Variants in ENPP5 observed in about 807,000 individuals in gnomAD.
ENPP5 encodes the protein E-NPP 5.
In ENPP5, 27 loss-of-function variants were observed where a neutral mutation model predicts 33.7. That is an observed-to-expected ratio of 0.80 (90% CI 0.59 to 1.11). The LOEUF is 1.11. Among genes scored for constraint, ENPP5 ranks in the 50% least tolerant of loss-of-function variants. The pLI is 0.00. For missense variants in ENPP5, 552 were observed against 579.2 expected, an observed-to-expected ratio of 0.95 and a Z score of 0.48; for synonymous variants, 199 against 200.5, an observed-to-expected ratio of 0.99 and a Z score of 0.06.
In ENPP5 at chr6:46,161,678, T is replaced by G. The variant is rs1441605219; in HGVS notation, c.1082A>C (p.Lys361Thr). 1.9e-6 allele frequency: 3 copies of G among 1,613,928 alleles called. No individual in the cohort carries two copies. In the East Asian group the frequency reaches 6.7e-5, roughly 36 times the overall value. The change falls in exon 5 of 5, where the codon AAG becomes ACG. Residue 361 changes from lysine to threonine, a missense_variant. Transcript: ENST00000371383. The stretch of plus-strand genomic sequence containing the variant: ...GTTCATGGCTTCTTTTGAGAAATTC[T>G]TTCTGAAGGCAGGACCATGGGCTAA... ...IFLAHGPAFR[K>T]NFSKEAMNST...
rs1403462030 is a variant in ENPP5, at chr6:46,165,504, T to C, written c.889A>G (p.Lys297Glu). 2 of 1,611,386 alleles carry C rather than the reference T, an allele frequency of 1.2e-6. No individual in the cohort carries two copies. The highest frequency in any genetic ancestry group is 4.5e-5 in the East Asian group (2 of 44,820). The change falls in exon 4 of 5, where the codon AAA (lysine) becomes GAA (glutamate). Residue 297 changes from lysine to glutamate, a missense_variant. Lys to Glu is a moderately conservative substitution (Grantham distance 56). Transcript: ENST00000371383. ...CACCTTTCTGGAACGTCTTCTTTTT[T>C]GTAAACAGTAAGATTAGGATGAGCG... ...THAHPNLTVY[K>E]KEDVPERWHY...
intron 3 of ENPP5, among the ~76,000 whole-genome samples, chr6:46,166,052 G>A (rs1232305414): frequency 1.3e-5 from 2 of 152,114 alleles, no homozygotes; most frequent in Non-Finnish European, 2.9e-5. Flanking sequence ...GGTTACCCAG[G>A]CACTGTCTTT....
Position 46,165,502 on chromosome 6 carries a change from T to G in ENPP5, c.891A>C (p.Lys297Asn). 6.2e-7 allele frequency: 1 copy of G among 1,611,546 alleles called. No homozygotes were observed. Among genetic ancestry groups the G allele is most frequent in the South Asian group, 1.1e-5 (1 of 90,474 alleles). ...GCCACCTTTCTGGAACGTCTTCTTTTTTGTAAACAGTAAGATTAGGATGAG... is the reference window on the plus strand; with the variant it reads ...GCCACCTTTCTGGAACGTCTTCTTTGTTGTAAACAGTAAGATTAGGATGAG... ...THAHPNLTVYKKEDVPERWHY... is the reference protein window; with the variant it reads ...THAHPNLTVYNKEDVPERWHY... Residue 297 changes from lysine (K) to asparagine (N), a missense_variant, in exon 4 of 5, where the codon AAA becomes AAC. Physicochemically the swap from Lys to Asn is moderately conservative, Grantham distance 94 (BLOSUM62 0). Transcript: ENST00000371383.
chr6:46,168,324 A>G, intron 2 of ENPP5, 27 bp from the exon 3 acceptor site: 1 of 1,142,804 alleles, frequency 8.8e-7, no homozygotes, highest in Non-Finnish European at 1.2e-6. Context: ...TAGAAATTAA[A>G]GGCAATAATT....
Position 46,167,545 on chromosome 6 carries a change from C to G in ENPP5, c.718G>C (p.Gly240Arg), listed in dbSNP as rs1220296575. Residue 240 changes from glycine (G) to arginine (R), a missense_variant, in exon 3 of 5, where the codon GGA becomes CGA. Coordinates refer to ENST00000371383, the MANE Select transcript of ENPP5 (RefSeq NM_001290072.2). ...CTTTCCTCAGAGCACTGCGTCATTC[C>G]ATGATCACTTGTGATGATTAGGTTC... ...TLNLIITSDH[G>R]MTQCSEERLI... is the part of the protein sequence containing the mutation. The G allele has an allele frequency of 6.2e-7, 1 of 1,614,174 alleles. No individual in the cohort carries two copies. Among genetic ancestry groups the G allele is most frequent in the Admixed American group, 1.7e-5 (1 of 60,030 alleles).
intron 3 of ENPP5, among the ~76,000 whole-genome samples, chr6:46,166,057 G>A (rs1202536942): frequency 6.6e-6 from 1 of 152,124 alleles, no homozygotes; most frequent in Non-Finnish European, 1.5e-5. Flanking sequence ...CCCAGGCACT[G>A]TCTTTCATCC....
At chr6:46,164,491 A>T (rs1273387114) in intron 4 of ENPP5, among the ~76,000 whole-genome samples, 1 of 152,138 alleles carries the variant, frequency 6.6e-6, no homozygotes. Context: ...ACATAATATA[A>T]ATTGAGTATT....
In ENPP5 at chr6:46,168,141, T is replaced by C; in HGVS notation, c.122A>G (p.Asp41Gly). ...GGGCGTTGGAACTTTATATAAGTAA[T>C]CCCAACGGAATCCATCAAAAGAAAC... is the stretch of plus-strand genomic sequence containing the variant. The part of the protein sequence containing the change: ...LLVSFDGFRW[D>G]YLYKVPTPHF... The change falls in exon 3 of 5, where the codon GAT (aspartate) becomes GGT (glycine). Residue 41 changes from aspartate to glycine, a missense_variant. Coordinates refer to ENST00000371383, the MANE Select transcript of ENPP5 (RefSeq NM_001290072.2). The C allele has an allele frequency of 6.2e-7, 1 of 1,613,782 alleles. No individual in the cohort carries two copies.
chr6:46,160,172 C>G lies in ENPP5; in HGVS notation c.*1154G>C, dbSNP rs999442581. 4 of 152,144 alleles carry G rather than the reference C, an allele frequency of 2.6e-5. No homozygotes were observed. Among genetic ancestry groups the G allele is most frequent in the Non-Finnish European group, 5.9e-5 (4 of 68,030 alleles). The allele number at this position is 152,144 out of a possible 1,614,324, so 9.4% of individuals were successfully genotyped here. A position where few individuals can be genotyped will look rare whatever the true frequency, so the allele number is the denominator to read the frequency against. ...GTTACCACAAAGAGTTATTTTGCTG[C>G]TTTTTCTAGTATGCACACTTTACCA... On this transcript the variant is annotated 3_prime_UTR_variant, in exon 5 of 5. Coordinates refer to ENST00000371383, the MANE Select transcript of ENPP5 (RefSeq NM_001290072.2).
chr6:46,167,649 C>A lies in ENPP5; in HGVS notation c.614G>T (p.Gly205Val), dbSNP rs762700532. The A allele has an allele frequency of 1.2e-6, 2 of 1,614,106 alleles. No homozygotes were observed. Among genetic ancestry groups the A allele is most frequent in the Non-Finnish European group, 1.7e-6 (2 of 1,180,004 alleles). ...CTTGTCAATATCTGAAATGACAGGC[C>A]CCATGAGCGGACTGTCAGGTCCCAA... Reference protein sequence around the residue: ...HHLGPDSPLMGPVISDIDKKL... With the variant: ...HHLGPDSPLMVPVISDIDKKL... The change falls in exon 3 of 5, where the codon GGG becomes GTG. Residue 205 changes from glycine (G) to valine (V), a missense_variant. Gly to Val is a moderately radical substitution (Grantham distance 109, BLOSUM62 -3). Coordinates refer to ENST00000371383, the MANE Select transcript of ENPP5 (RefSeq NM_001290072.2).
In ENPP5 at chr6:46,167,836, C is replaced by T; in HGVS notation, c.427G>A (p.Asp143Asn). 1 of 1,614,204 alleles carries T rather than the reference C, an allele frequency of 6.2e-7. No individual in the cohort carries two copies. Among genetic ancestry groups the T allele is most frequent in the Non-Finnish European group, 8.5e-7 (1 of 1,180,044 alleles). ...TSGAAMWPGT[D>N]VKIHKRFPTH... ...GGAAAGCGCTTATGTATTTTTACAT[C>T]TGTTCCGGGCCACATGGCTGCACCA... The change falls in exon 3 of 5, where the codon GAT becomes AAT. Residue 143 changes from aspartate (D) to asparagine (N), a missense_variant. By Grantham distance (23) the Asp-to-Asn change is conservative. Coordinates refer to ENST00000371383, the MANE Select transcript of ENPP5 (RefSeq NM_001290072.2).
chr6:46,165,376 A>G lies in ENPP5; in HGVS notation c.1006+11T>C. ...AATGCAGAATGGAAAGAAATACTGTAACATACTCACACAGAAAGTCATCTG... is the reference window on the plus strand; with the variant it reads ...AATGCAGAATGGAAAGAAATACTGTGACATACTCACACAGAAAGTCATCTG... On this transcript the variant is annotated intron_variant, in intron 4 of 4. Coordinates refer to ENST00000371383, the MANE Select transcript of ENPP5 (RefSeq NM_001290072.2). 3 of 1,548,312 alleles carry G rather than the reference A, an allele frequency of 1.9e-6. No homozygotes were observed. The highest frequency in any genetic ancestry group is 2.6e-6 in the Non-Finnish European group (3 of 1,154,408).
chr6:46,163,022 T>G (rs1373150710), intron 4 of ENPP5, among the ~76,000 whole-genome samples: 1 of 152,228 alleles, frequency 6.6e-6, no homozygotes, highest in Non-Finnish European at 1.5e-5. Flanking sequence ...TAAGTCATTG[T>G]GACTTATGTA....
rs780293700 is a variant in ENPP5, at chr6:46,165,433, A to G, written c.960T>C (p.Ala320=). 9 of 1,601,088 alleles carry G rather than the reference A, an allele frequency of 5.6e-6. No homozygotes were observed. The highest frequency in any genetic ancestry group is 3.6e-5 in the Admixed American group (2 of 55,642). Residue 320 remains alanine (A), a synonymous_variant, in exon 4 of 5, where the codon GCT becomes GCC. Transcript: ENST00000371383. ...TCTGTAAAATGTGCCACCCTTCATCAGCCACTGCTATGATTGGTTGAATTC... is the reference window on the plus strand; with the variant it reads ...TCTGTAAAATGTGCCACCCTTCATCGGCCACTGCTATGATTGGTTGAATTC... ...NSRIQPIIAV[A]DEGWHILQNK...
chr6:46,167,393 C>T (rs1180452500), intron 3 of ENPP5, 41 bp downstream of exon 3: 2 of 1,309,470 alleles, frequency 1.5e-6, no homozygotes, highest in Non-Finnish European at 2.2e-6. Context: ...TGGGCAAATG[C>T]ACATCTAGTC....
In ENPP5 at chr6:46,170,893, A is replaced by G. The variant is rs1020525474; in HGVS notation, c.-183T>C. 2 of 152,332 alleles carry G rather than the reference A, an allele frequency of 1.3e-5. No homozygotes were observed. The highest frequency in any genetic ancestry group is 2.9e-5 in the Non-Finnish European group (2 of 68,170). The allele number at this position is 152,332 out of a possible 1,614,324, so 9.4% of individuals were successfully genotyped here. On this transcript the variant is annotated 5_prime_UTR_variant, in exon 1 of 5. Coordinates refer to ENST00000371383, the MANE Select transcript of ENPP5 (RefSeq NM_001290072.2). ...AGACTCCCTCGGGCGCGCCGCGGGT[A>G]ACGGCGGGAGGGTGACTGGAGGAAC... is the stretch of plus-strand genomic sequence containing the variant.
rs532535321 is a variant in ENPP5 at position 46,170,314 on chromosome 6, G to T, written c.-97-200C>A. Among the ~76,000 whole-genome samples the T allele has an allele frequency of 5.0e-4, 76 of 152,140 alleles. 2 individuals are homozygous for T. The South Asian group carries it at 0.015, about 30-fold the overall frequency. On this transcript the variant is annotated intron_variant, in intron 1 of 4. Transcript: ENST00000371383. ...GTTGTCTAAAGCTTAGGAATGTTTG[G>T]CAAGAAGACTCAACATCACATCCAT...
intron 2 of ENPP5, among the ~76,000 whole-genome samples, chr6:46,168,741 G>A (rs530165982): frequency 1.3e-5 from 2 of 151,662 alleles, no homozygotes; most frequent in South Asian, 2.1e-4. Flanking sequence ...TTAGCAAATC[G>A]AATAATGGTG....
chr6:46,164,728 A>ATT (rs779495236), intron 4 of ENPP5, among the ~76,000 whole-genome samples: 105 of 92,938 alleles, frequency 1.1e-3, no homozygotes, highest in African/African-American at 3.1e-3. Flanking sequence ...AAAACTGTTT[A>ATT]TTTTTTTTTT....
Sources: allele counts gnomAD v4.1 joint callset (sites outside exome capture counted in the v4.1 genomes callset), GRCh38; gene constraint gnomAD v4.1.1; transcripts MANE v1.5; gene names NCBI Gene and HGNC (gene_info 2026-07-23, HGNC 2026-07-21).